The following PARVA variants were observed in gnomAD, a reference collection of about 807,000 sequenced individuals.
The protein encoded by PARVA is parvin alpha, also known as alpha-parvin.
Under a neutral mutation model 52.6 loss-of-function variants are expected in PARVA, and 25 were observed. That is an observed-to-expected ratio of 0.48 (90% confidence interval 0.35 to 0.66). The LOEUF (loss-of-function observed/expected upper bound fraction) is 0.66, where lower values mean the gene tolerates loss of function less well. Ranked by LOEUF, PARVA falls within the 30% of genes least tolerant of loss-of-function variation. The pLI is 0.01. For missense variants in PARVA, 373 were observed against 450.9 expected (o/e 0.83, Z 1.56); for synonymous variants, 185 against 179.1 (o/e 1.03, Z -0.26).
chr11:12,461,836 G>A (rs972003970), intron 1 of PARVA, among the ~76,000 whole-genome samples: 4 of 152,052 alleles, frequency 2.6e-5, no homozygotes, highest in Admixed American at 6.6e-5. Flanking sequence ...TCACAACACC[G>A]CCTCTAAGTT....
At chr11:12,445,467 A>G (rs1940531539) in intron 1 of PARVA, among the ~76,000 whole-genome samples, 1 of 152,182 alleles carries the variant, frequency 6.6e-6, no homozygotes, top group Non-Finnish European at 1.5e-5. Context: ...GGTACTTCCC[A>G]TTGATCTAAT....
intron 1 of PARVA, among the ~76,000 whole-genome samples, chr11:12,447,010 CTG>C (rs1434103164): frequency 6.6e-6 from 1 of 152,222 alleles, no homozygotes; most frequent in Non-Finnish European, 1.5e-5. Flanking sequence ...GCTTGGCTCT[CTG>C]TCTCCTCTCT....
At chr11:12,394,810 G>A (rs945957918) in intron 1 of PARVA, among the ~76,000 whole-genome samples, 10 of 152,204 alleles carry the variant, frequency 6.6e-5, no homozygotes, top group African/African-American at 2.4e-4. Context: ...AGGCCCTACA[G>A]GCTGGGCGTG....
At chr11:12,380,442 T>C (rs1337825481) in intron 1 of PARVA, among the ~76,000 whole-genome samples, 2 of 150,830 alleles carry the variant, frequency 1.3e-5, no homozygotes, top group South Asian at 4.2e-4. Context: ...GTCCGAAATA[T>C]GCAGACAGAG....
intron 4 of PARVA, among the ~76,000 whole-genome samples, chr11:12,488,138 C>A (rs527311776): frequency 6.6e-6 from 1 of 152,098 alleles, no homozygotes; most frequent in Non-Finnish European, 1.5e-5. Flanking sequence ...TAAAACCTAA[C>A]TGAACATATT....
Position 12,406,661 on chromosome 11 carries a change from G to GTTTTTTTTTTT in PARVA, c.136+28895_136+28905dup, listed in dbSNP as rs571973101. Among the ~76,000 whole-genome samples the GTTTTTTTTTTT allele has an allele frequency of 5.8e-4, 45 of 77,790 alleles. 2 individuals are homozygous for GTTTTTTTTTTT. Among genetic ancestry groups the GTTTTTTTTTTT allele is most frequent in the African/African-American group, 9.7e-4 (18 of 18,482 alleles). The allele number at this position is 77,790 out of a possible 152,430, so 51.0% of individuals were successfully genotyped here. A position where few individuals can be genotyped will look rare whatever the true frequency, so the allele number is the denominator to read the frequency against. On this transcript the variant is annotated intron_variant, in intron 1 of 12. Transcript: ENST00000334956. Reference sequence around the variant, plus strand: ...ATTGTTAGCTATTTAGGTTGTATCTGTTTTTTTTTTTTTTTTTTTTTTTTT... The same window carrying GTTTTTTTTTTT: ...ATTGTTAGCTATTTAGGTTGTATCTGTTTTTTTTTTTTTTTTTTTTTTTTTTTTTTTTTTTT...
chr11:12,388,178 G>GGC (rs1452645784), intron 1 of PARVA, among the ~76,000 whole-genome samples: 1 of 152,172 alleles, frequency 6.6e-6, no homozygotes, highest in Non-Finnish European at 1.5e-5. Context: ...ATGGCTGGAG[G>GGC]GCACACCTTT....
intron 1 of PARVA, among the ~76,000 whole-genome samples, chr11:12,382,755 A>G (rs1381945692): frequency 6.6e-6 from 1 of 152,220 alleles, no homozygotes; most frequent in African/African-American, 2.4e-5. Context: ...CCCCTTATTC[A>G]TTCTATGACT....
At chr11:12,475,709 G>C (rs1353834810) in intron 3 of PARVA, among the ~76,000 whole-genome samples, 1 of 152,220 alleles carries the variant, frequency 6.6e-6, no homozygotes, top group Non-Finnish European at 1.5e-5. Flanking sequence ...AAGGGAGTCT[G>C]TGCCCTGACC....
At chr11:12,492,069 T>C (rs1941240534) in intron 4 of PARVA, among the ~76,000 whole-genome samples, 1 of 152,220 alleles carries the variant, frequency 6.6e-6, no homozygotes, top group Admixed American at 6.5e-5. Flanking sequence ...TTACATATTT[T>C]AGTTCTTGAA....
intron 1 of PARVA, among the ~76,000 whole-genome samples, chr11:12,468,700 C>G (rs1453021640): frequency 6.6e-6 from 1 of 152,072 alleles, no homozygotes; most frequent in Admixed American, 6.6e-5. Flanking sequence ...AACAAGAACC[C>G]CATCTTTCTA....
rs1941768531 is a variant in PARVA, at chr11:12,531,222, C to T, written c.*3297C>T. Reference sequence around the variant, plus strand: ...AGGCACAGAGATGACATTTCCCGATCTGGGAGAAGGCTTCTTTATCAGCAC... The same window carrying T: ...AGGCACAGAGATGACATTTCCCGATTTGGGAGAAGGCTTCTTTATCAGCAC... On this transcript the variant is annotated 3_prime_UTR_variant, in exon 13 of 13. Transcript: ENST00000334956. Among the ~76,000 whole-genome samples, 2 of 152,226 alleles carry T rather than the reference C, an allele frequency of 1.3e-5. No homozygotes were observed. Among genetic ancestry groups the T allele is most frequent in the Admixed American group, 1.3e-4 (2 of 15,282 alleles).
chr11:12,401,593 C>T (rs1022900950), intron 1 of PARVA, among the ~76,000 whole-genome samples: 4 of 152,086 alleles, frequency 2.6e-5, no homozygotes, highest in East Asian at 1.9e-4. Context: ...TTGAAGACAT[C>T]GTACTGAAGT....
chr11:12,443,169 C>CTTTTTTTTTT (rs1180380526), intron 1 of PARVA, among the ~76,000 whole-genome samples: 877 of 78,240 alleles, frequency 0.011, 52 homozygotes, highest in Middle Eastern at 0.045. Context: ...CGCCCCCCTT[C>CTTTTTTTTTT]TTTTTTTTTT....
intron 4 of PARVA, among the ~76,000 whole-genome samples, chr11:12,494,315 C>G (rs1941270736): frequency 6.6e-6 from 1 of 152,168 alleles, no homozygotes; most frequent in African/African-American, 2.4e-5. Context: ...GCTTCCTTCC[C>G]CTTTCTCATG....
At chr11:12,521,433 T>G (rs1411053974) in intron 12 of PARVA, among the ~76,000 whole-genome samples, 5 of 152,226 alleles carry the variant, frequency 3.3e-5, no homozygotes, top group Non-Finnish European at 7.3e-5. Context: ...AACCATTTTA[T>G]TTTTATTCAG....
rs765699198 is a variant in PARVA, at chr11:12,534,640, C to T, written c.*6715C>T. ...CCAAGACACACAAATGTCATTAAGG[C>T]AACCGCTTAAAGGAGTGTGATATTT... On this transcript the variant is annotated 3_prime_UTR_variant, in exon 13 of 13. Coordinates refer to ENST00000334956, the MANE Select transcript of PARVA (RefSeq NM_018222.5). Among the ~76,000 whole-genome samples, 7 of 152,218 alleles carry T rather than the reference C, an allele frequency of 4.6e-5. No homozygotes were observed. The highest frequency in any genetic ancestry group is 1.0e-4 in the Non-Finnish European group (7 of 68,044).
intron 7 of PARVA, among the ~76,000 whole-genome samples, chr11:12,510,073 A>T (rs556591970): frequency 6.6e-6 from 1 of 152,340 alleles, no homozygotes; most frequent in South Asian, 2.1e-4. Context: ...ACATGGATGC[A>T]ATGTCCTAAT....
chr11:12,522,331 C>G (rs1184803098), intron 12 of PARVA, among the ~76,000 whole-genome samples: 1 of 151,802 alleles, frequency 6.6e-6, no homozygotes, highest in African/African-American at 2.4e-5. Flanking sequence ...TGCAAAAAAG[C>G]AAGTGTAAAA....
Sources: allele counts gnomAD v4.1 joint callset (sites outside exome capture counted in the v4.1 genomes callset), GRCh38; gene constraint gnomAD v4.1.1; transcripts MANE v1.5; gene names NCBI Gene and HGNC (gene_info 2026-07-23, HGNC 2026-07-21).